KDR: variants seen among roughly 807,000 people sequenced by gnomAD.
KDR encodes kinase insert domain receptor.
Under a neutral mutation model 160.9 loss-of-function variants are expected in KDR, and 43 were observed. The observed-to-expected ratio is 0.27, with a 90% CI of 0.21 to 0.34. The LOEUF (loss-of-function observed/expected upper bound fraction) is 0.34, where lower values mean the gene tolerates loss of function less well. Among genes scored for constraint, KDR ranks in the 10% least tolerant of loss-of-function variants. KDR has a pLI of 1.00. For synonymous variants in KDR, 617 were observed against 600.1 expected (o/e 1.03, Z -0.41); for missense variants, 1,469 against 1,666.4 (o/e 0.88, Z 2.06).
chr4:55,091,158 G>A (rs1009597391), intron 22 of KDR, among the ~76,000 whole-genome samples: 3 of 152,122 alleles, frequency 2.0e-5, no homozygotes, highest in South Asian at 2.1e-4. Context: ...TGGCCAAAAG[G>A]AGAATTCTTA....
At chr4:55,099,263 C>G (rs1388443513) in intron 15 of KDR, among the ~76,000 whole-genome samples, 1 of 152,126 alleles carries the variant, frequency 6.6e-6, no homozygotes, top group Non-Finnish European at 1.5e-5. Flanking sequence ...TAGCCATCCC[C>G]CCTGCCTTGG....
chr4:55,096,418 A>G (rs554077453), intron 18 of KDR, 76 bp from the exon 19 acceptor site: 2 of 986,552 alleles, frequency 2.0e-6, no homozygotes, highest in African/African-American at 3.2e-5. Context: ...CCCTCCCTGC[A>G]TGCCACTATA....
chr4:55,099,547 T>C (rs1414524936), intron 15 of KDR, among the ~76,000 whole-genome samples: 3 of 152,194 alleles, frequency 2.0e-5, no homozygotes, highest in South Asian at 2.1e-4. Flanking sequence ...TTTAAACTGA[T>C]AGTCAATATT....
At chr4:55,100,314 TATTTA>T (rs1305319295) in intron 15 of KDR, among the ~76,000 whole-genome samples, 1 of 152,230 alleles carries the variant, frequency 6.6e-6, no homozygotes, top group African/African-American at 2.4e-5. Context: ...AGTAATTCTC[TATTTA>T]TACACACAGA....
intron 22 of KDR, among the ~76,000 whole-genome samples, chr4:55,090,809 T>G (rs929051391): frequency 1.3e-5 from 2 of 152,068 alleles, no homozygotes; most frequent in East Asian, 3.9e-4. Flanking sequence ...AAAATGAGTC[T>G]TGGGGAGCAC....
chr4:55,108,271 A>G (rs1040843108), intron 9 of KDR, among the ~76,000 whole-genome samples: 6 of 152,190 alleles, frequency 3.9e-5, no homozygotes, highest in African/African-American at 1.2e-4. Flanking sequence ...TAATAAACTA[A>G]CAAGCTGAAT....
chr4:55,078,770 T>A lies in KDR; in HGVS notation c.*1171A>T, dbSNP rs1456125664. On this transcript the variant is annotated 3_prime_UTR_variant, in exon 30 of 30. Coordinates refer to ENST00000263923, the MANE Select transcript of KDR (RefSeq NM_002253.4). Reference sequence around the variant, plus strand: ...GGGCAAAAATCAGTAGAAATAGCTCTATATGTTAAAAGTCTAAATAATACA... The same window carrying A: ...GGGCAAAAATCAGTAGAAATAGCTCAATATGTTAAAAGTCTAAATAATACA... 3 of 232,848 alleles carry A rather than the reference T, an allele frequency of 1.3e-5. No individual in the cohort carries two copies. Among genetic ancestry groups the A allele is most frequent in the Non-Finnish European group, 2.5e-5 (3 of 117,878 alleles). The allele number at this position is 232,848 out of a possible 1,614,324, so 14.4% of individuals were successfully genotyped here. A position where few individuals can be genotyped will look rare whatever the true frequency, so the allele number is the denominator to read the frequency against.
chr4:55,086,118 T>C (rs532928388), intron 27 of KDR, among the ~76,000 whole-genome samples: 9 of 152,212 alleles, frequency 5.9e-5, no homozygotes, highest in Non-Finnish European at 1.2e-4. Flanking sequence ...AATTGTAGTC[T>C]CATCTCATTA....
In KDR at chr4:55,098,757, C is replaced by T. The variant is rs376263503; in HGVS notation, c.2313G>A (p.Thr771=). Residue 771 remains threonine, a synonymous_variant, in exon 16 of 30, where the codon ACG becomes ACA. Transcript: ENST00000263923. ...GCCAGAAGAACATGGCAATCACCGC[C>T]GTGCCTACTAGAATAATGATTTCCA... ...TNLEIIILVG[T]AVIAMFFWLL... The T allele has an allele frequency of 4.1e-4, 666 of 1,613,328 alleles. 9 individuals are homozygous for T. In the South Asian group the frequency reaches 6.7e-3, roughly 16 times the overall value.
At chr4:55,095,730 A>G in intron 19 of KDR, 65 bp from the exon 20 acceptor site, 1 of 1,200,912 alleles carries the variant, frequency 8.3e-7, no homozygotes, top group Non-Finnish European at 1.2e-6. Flanking sequence ...AGCGTTTAAT[A>G]TAGTGATGAA....
rs1185605428 is a variant in KDR, at chr4:55,104,890, G to A, written c.1740C>T (p.Asn580=). 6.2e-7 allele frequency: 1 copy of A among 1,613,842 alleles called. No individual in the cohort carries two copies. The highest frequency in any genetic ancestry group is 1.7e-5 in the Admixed American group (1 of 59,972). The change falls in exon 13 of 30, where the codon AAC becomes AAT. Residue 580 remains asparagine (N), a synonymous_variant. Coordinates refer to ENST00000263923, the MANE Select transcript of KDR (RefSeq NM_002253.4). ...GTGGGCCAAGCTTGTACCATGTGAG[G>A]TTCTCAAACGTAGATCTGTCTGCAG... The part of the protein sequence containing the change: ...WCTADRSTFE[N]LTWYKLGPQP...
At chr4:55,082,970 A>G (rs909431260) in intron 27 of KDR, among the ~76,000 whole-genome samples, 1 of 152,190 alleles carries the variant, frequency 6.6e-6, no homozygotes, top group African/African-American at 2.4e-5. Flanking sequence ...GGATTCCTCC[A>G]TCGAGCTCTG....
intron 20 of KDR, 104 bp from the exon 21 acceptor site, chr4:55,095,059 C>A: frequency 1.7e-6 from 2 of 1,153,742 alleles, no homozygotes; most frequent in South Asian, 2.7e-5. Flanking sequence ...ATTGAAACTA[C>A]TAAAAAGCAG....
Position 55,105,868 on chromosome 4 carries a change from C to T in KDR, c.1609G>A (p.Gly537Arg), listed in dbSNP as rs1487678797. The T allele has an allele frequency of 2.5e-6, 4 of 1,613,314 alleles. No individual in the cohort carries two copies. Among genetic ancestry groups the T allele is most frequent in the South Asian group, 1.1e-5 (1 of 91,072 alleles). Residue 537 changes from glycine (G) to arginine (R), a missense_variant, in exon 12 of 30, where the codon GGG becomes AGG. By Grantham distance (125) the Gly-to-Arg change is moderately radical. Coordinates refer to ENST00000263923, the MANE Select transcript of KDR (RefSeq NM_002253.4). The part of the protein sequence containing the change: ...LYKCEAVNKV[G>R]RGERVISFHV... ...AAGGAGATCACCCTCTCTCCTCTCC[C>T]GACTTTGTTGACCGCTTCACATTTG...
intron 22 of KDR, among the ~76,000 whole-genome samples, chr4:55,090,678 G>A (rs1231453095): frequency 6.6e-6 from 1 of 152,064 alleles, no homozygotes; most frequent in East Asian, 1.9e-4. Flanking sequence ...AGTACAATGA[G>A]ATTCATCTTG....
At position 55,113,467 on chromosome 4, in the gene KDR, T is replaced by C. The variant is rs371483510; in HGVS notation, c.813A>G (p.Lys271=). 116 of 1,613,866 alleles carry C rather than the reference T, an allele frequency of 7.2e-5. No homozygotes were observed. Among genetic ancestry groups the C allele is most frequent in the Non-Finnish European group, 9.2e-5 (108 of 1,179,910 alleles). ...EYPSSKHQHK[K]LVNRDLKTQS... is the part of the protein sequence containing the mutation. ...GGGTTTTTAGGTCTCGGTTTACAAG[T>C]TTCTTATGCTGATGCTGAAAAAAAG... is the stretch of plus-strand genomic sequence containing the variant. Residue 271 remains lysine, a synonymous_variant, in exon 7 of 30, where the codon AAA becomes AAG. Transcript: ENST00000263923.
At chr4:55,081,230 AC>A (rs1719728909) in intron 29 of KDR, among the ~76,000 whole-genome samples, 1 of 152,012 alleles carries the variant, frequency 6.6e-6, no homozygotes, top group African/African-American at 2.4e-5. Flanking sequence ...TTATTCAAAA[AC>A]CCATGAGTAT....
At chr4:55,097,558 G>T in intron 18 of KDR, 104 bp downstream of exon 18, 1 of 764,138 alleles carries the variant, frequency 1.3e-6, no homozygotes, top group Non-Finnish European at 2.3e-6. Context: ...TGCATGTGTG[G>T]CTAGTAGGCC....
Position 55,080,180 on chromosome 4 carries a change from A to C in KDR, c.3849-17T>G, listed in dbSNP as rs772187092. ...ACCATTCCACTGCAGAAGAAATGGC[A>C]AACAAAGGAGTTGGCAGAGAGAAGA... On this transcript the variant is annotated splice_polypyrimidine_tract_variant and intron_variant, in intron 29 of 29. Coordinates refer to ENST00000263923, the MANE Select transcript of KDR (RefSeq NM_002253.4). The C allele has an allele frequency of 6.2e-7, 1 of 1,609,114 alleles. No homozygotes were observed. The highest frequency in any genetic ancestry group is 8.5e-7 in the Non-Finnish European group (1 of 1,176,840).
Sources: gnomAD v4.1 joint callset for allele counts (sites outside exome capture counted in the v4.1 genomes callset) on GRCh38, gnomAD v4.1.1 for gene constraint, MANE v1.5 for transcripts, NCBI Gene and HGNC (gene_info 2026-07-23, HGNC 2026-07-21) for gene names.